The following USP37 variants were observed in gnomAD, a reference collection of about 807,000 sequenced individuals.
USP37 encodes ubiquitin specific peptidase 37, also known as ubiquitin carboxyl-terminal hydrolase 37.
In USP37, 27 loss-of-function variants were observed where a neutral mutation model predicts 124.0. The ratio of observed to expected loss-of-function variants is 0.22; its 90% CI spans 0.16 to 0.30. USP37 has a LOEUF of 0.30. Among genes scored for constraint, USP37 ranks in the 10% least tolerant of loss-of-function variants. The pLI is 1.00. For synonymous variants in USP37, 365 were observed against 388.0 expected, an observed-to-expected ratio of 0.94 and a Z score of 0.70; for missense variants, 889 against 1,140.4, an observed-to-expected ratio of 0.78 and a Z score of 3.17.
intron 10 of USP37, among the ~76,000 whole-genome samples, chr2:218,521,097 T>C (rs748365126): frequency 1.3e-5 from 2 of 152,152 alleles, no homozygotes; most frequent in Non-Finnish European, 2.9e-5. Context: ...CCATGTGAAG[T>C]GCTGGCTCCC....
intron 10 of USP37, among the ~76,000 whole-genome samples, chr2:218,527,729 AAT>A (rs1691062391): frequency 6.6e-6 from 1 of 152,214 alleles, no homozygotes; most frequent in South Asian, 2.1e-4. Context: ...AATAAGCAGA[AAT>A]ATGTCAAACT....
In USP37 at chr2:218,474,790, C is replaced by T. The variant is rs1278561743; in HGVS notation, c.2139G>A (p.Leu713=). 3.7e-6 allele frequency: 6 copies of T among 1,614,120 alleles called. No individual in the cohort carries two copies. The highest frequency in any genetic ancestry group is 5.1e-6 in the Non-Finnish European group (6 of 1,180,010). Residue 713 remains leucine, a synonymous_variant, in exon 20 of 26, where the codon TTG becomes TTA. Coordinates refer to ENST00000258399, the MANE Select transcript of USP37 (RefSeq NM_020935.3). ...MSEEELLAAV[L]EISKRDASPS... The stretch of plus-strand genomic sequence containing the variant: ...GTGAAGCATCTCTCTTACTTATCTC[C>T]AAGACAGCTGCTAGAAGCTCTTCTT...
At chr2:218,479,148 A>G (rs1691119632) in intron 18 of USP37, among the ~76,000 whole-genome samples, 1 of 152,232 alleles carries the variant, frequency 6.6e-6, no homozygotes, top group East Asian at 1.9e-4. Context: ...TTGGTCTTAA[A>G]CAAAAAAATA....
intron 8 of USP37, among the ~76,000 whole-genome samples, chr2:218,540,755 G>A (rs1243766520): frequency 2.6e-5 from 4 of 152,162 alleles, no homozygotes; most frequent in African/African-American, 9.7e-5. Flanking sequence ...TGCATAAGGG[G>A]GGACTACTAT....
chr2:218,554,456 G>A (rs1436796575), intron 4 of USP37, among the ~76,000 whole-genome samples: 1 of 152,138 alleles, frequency 6.6e-6, no homozygotes, highest in Non-Finnish European at 1.5e-5. Context: ...AAACCAAATG[G>A]AAGTAGAAAG....
chr2:218,552,651 GA>G (rs67057313), intron 5 of USP37, among the ~76,000 whole-genome samples: 100,567 of 151,378 alleles, frequency 0.66, 33,798 homozygotes, highest in East Asian at 0.89. Context: ...TGCATTAAAA[GA>G]AAAAAAAACC....
chr2:218,540,726 A>G (rs1691926796), intron 8 of USP37, among the ~76,000 whole-genome samples: 1 of 152,204 alleles, frequency 6.6e-6, no homozygotes. Flanking sequence ...GGTAATTGAA[A>G]CCACAGAAAG....
At chr2:218,511,683 G>A (rs1346184496) in intron 10 of USP37, among the ~76,000 whole-genome samples, 2 of 151,960 alleles carry the variant, frequency 1.3e-5, no homozygotes, top group African/African-American at 4.8e-5. Flanking sequence ...CTGAGCTCAG[G>A]CAATTTGCTC....
rs1255035692 is a variant in USP37, at chr2:218,544,407, ATATATATAT to A, written c.680+1805_680+1813del. 3.8e-4 allele frequency among the ~76,000 whole-genome samples: 29 copies of A among 75,642 alleles called. 2 individuals carry two copies. Among genetic ancestry groups the A allele is most frequent in the African/African-American group, 1.6e-3 (19 of 12,040 alleles). 49.6% of individuals were successfully genotyped at this position (75,642 alleles called of 152,430 possible). On this transcript the variant is annotated intron_variant, in intron 8 of 25. Transcript: ENST00000258399. ...TTCACAAAAAAAAAAAAAAAAAAAA[ATATATATAT>A]ATATATATATATATAGAGAGAGAGA...
chr2:218,458,497 A>G (rs1170626770), intron 23 of USP37, among the ~76,000 whole-genome samples: 1 of 151,032 alleles, frequency 6.6e-6, no homozygotes, highest in Non-Finnish European at 1.5e-5. Context: ...GCTTGAGCCC[A>G]GGAAGTGGAG....
At chr2:218,492,305 C>T (rs1011506576) in intron 14 of USP37, among the ~76,000 whole-genome samples, 1 of 151,972 alleles carries the variant, frequency 6.6e-6, no homozygotes, top group African/African-American at 2.4e-5. Flanking sequence ...GCACTATGAT[C>T]CTGGTGTTTT....
chr2:218,488,140 C>T (rs935519891), intron 15 of USP37, among the ~76,000 whole-genome samples, 164 bp downstream of exon 15: 1 of 121,548 alleles, frequency 8.2e-6, no homozygotes, highest in African/African-American at 3.2e-5. Context: ...TGTGCAACTG[C>T]ACTATAGCCA....
In USP37 at chr2:218,488,394, T is replaced by C; in HGVS notation, c.1500A>G (p.Glu500=). The C allele has an allele frequency of 6.2e-7, 1 of 1,611,040 alleles. No individual in the cohort carries two copies. The change falls in exon 15 of 26, where the codon GAA becomes GAG. Residue 500 remains glutamate, a synonymous_variant. Transcript: ENST00000258399. ...KACGEIIPKR[E]QFNDLSIDLP... ...GGTCAATAGAGAGGTCATTAAACTG[T>C]TCTCTTTTGGGGATAATCTCTCCAC...
At chr2:218,462,578 C>G (rs949611739) in intron 22 of USP37, among the ~76,000 whole-genome samples, 1 of 152,064 alleles carries the variant, frequency 6.6e-6, no homozygotes, top group African/African-American at 2.4e-5. Context: ...CTGACTGCCC[C>G]AGAATAAGCT....
rs998109908 is a variant in USP37 at position 218,562,892 on chromosome 2, G to C, written c.-229-79C>G. The C allele has an allele frequency of 1.2e-4, 47 of 391,032 alleles. 1 individual carries two copies. Among genetic ancestry groups the C allele is most frequent in the African/African-American group, 8.5e-4 (41 of 48,502 alleles). 24.2% of individuals were successfully genotyped at this position (391,032 alleles called of 1,614,324 possible). A position where few individuals can be genotyped will look rare whatever the true frequency, so the allele number is the denominator to read the frequency against. On this transcript the variant is annotated intron_variant, in intron 1 of 25. Coordinates refer to ENST00000258399, the MANE Select transcript of USP37 (RefSeq NM_020935.3). ...ACTTAAAAGAAAGTGGGCTGGGCAC[G>C]GTGGCTGACGCGAGTAATCCCAGCA...
At chr2:218,498,875 C>T (rs894574461) in intron 11 of USP37, among the ~76,000 whole-genome samples, 1 of 152,130 alleles carries the variant, frequency 6.6e-6, no homozygotes, top group Non-Finnish European at 1.5e-5. Context: ...TTAAATATAA[C>T]TTATTCATTT....
intron 8 of USP37, among the ~76,000 whole-genome samples, chr2:218,543,054 G>A (rs569266620): frequency 6.3e-4 from 96 of 152,230 alleles, no homozygotes; most frequent in African/African-American, 2.1e-3. Context: ...GTCTTGAAAG[G>A]CAGATCTCAT....
At chr2:218,468,518 C>T (rs550027422) in intron 20 of USP37, among the ~76,000 whole-genome samples, 5 of 152,026 alleles carry the variant, frequency 3.3e-5, no homozygotes, top group Non-Finnish European at 5.9e-5. Context: ...CCACCATGCC[C>T]GGCCCACGAT....
chr2:218,546,976 G>T lies in USP37; in HGVS notation c.545C>A (p.Thr182Lys). ...KTVAGSGIARTIPSLTSTSTP... is the reference protein window; with the variant it reads ...KTVAGSGIARKIPSLTSTSTP... ...TGAAGTAGATGTCAAAGAAGGAATC[G>T]TCCGAGCTATTCCACTTCCTGCTAC... The change falls in exon 7 of 26, where the codon ACG becomes AAG. Residue 182 changes from threonine to lysine, a missense_variant. By Grantham distance (78) the Thr-to-Lys change is moderately conservative. This residue lies in a region of USP37 where 374 missense variants were observed against 386.0 expected (regional missense o/e 0.97). Coordinates refer to ENST00000258399, the MANE Select transcript of USP37 (RefSeq NM_020935.3). 1 of 1,613,168 alleles carries T rather than the reference G, an allele frequency of 6.2e-7. No homozygotes were observed. The highest frequency in any genetic ancestry group is 1.3e-5 in the African/African-American group (1 of 74,962).
Sources: gnomAD v4.1 joint callset for allele counts (sites outside exome capture counted in the v4.1 genomes callset) on GRCh38, gnomAD v4.1.1 for gene constraint, gnomAD v4.1.1 regional missense constraint, MANE v1.5 for transcripts, NCBI Gene and HGNC (gene_info 2026-07-23, HGNC 2026-07-21) for gene names.